The following SPTBN5 variants were observed in gnomAD, a reference collection of about 807,000 sequenced individuals.
SPTBN5 encodes spectrin beta chain, non-erythrocytic 5.
SPTBN5 carries 513 observed loss-of-function variants against 477.6 expected under a neutral mutation model. The ratio of observed to expected loss-of-function variants is 1.07; its 90% confidence interval spans 1.00 to 1.16. The LOEUF is 1.16. SPTBN5 is among the 50% of genes most tolerant of loss of function. The pLI is 0.00. For missense variants in SPTBN5, 5,062 were observed against 4,731.8 expected, an observed-to-expected ratio of 1.07 and a Z score of -2.05; for synonymous variants, 2,169 against 2,011.7, an observed-to-expected ratio of 1.08 and a Z score of -2.09.
chr15:41,873,799 C>A, intron 25 of SPTBN5, 46 bp downstream of exon 25: 1 of 1,600,590 alleles, frequency 6.2e-7, no homozygotes, highest in Non-Finnish European at 8.5e-7. Context: ...CCTCAAGGAG[C>A]CCTGACTTCT....
chr15:41,851,682 C>T, intron 63 of SPTBN5, 97 bp downstream of exon 63: 1 of 924,228 alleles, frequency 1.1e-6, no homozygotes, highest in East Asian at 2.5e-5. Context: ...TGCCCAAGTT[C>T]ACAGTGCAAG....
At position 41,878,562 on chromosome 15, in the gene SPTBN5, G is replaced by T. The variant is rs1476274178; in HGVS notation, c.3250C>A (p.Leu1084Met). ...GCCACTTGTTCCTGTACTTGCTTCA[G>T]CAGCCCCTGCAGTGTCTCCACCTGT... ...QGQVETLQGL[L>M]KQVQEQVAQR... The change falls in exon 17 of 68, where the codon CTG (leucine) becomes ATG (methionine). Residue 1084 changes from leucine (L) to methionine (M), a missense_variant. Leu to Met is a conservative substitution (Grantham distance 15, BLOSUM62 2). Transcript: ENST00000320955. 3 of 1,612,648 alleles carry T rather than the reference G, an allele frequency of 1.9e-6. No homozygotes were observed. In the South Asian group the frequency reaches 3.3e-5, roughly 18 times the overall value.
In SPTBN5 at chr15:41,852,323, GAGTGGGCAA is replaced by G. The variant is rs1362908497; in HGVS notation, c.10450-16_10450-8del. ...GCAGGAGCTCCTGTTCCATCTTGGGGAGTGGGCAAGGTGGGCAAGGTGAGCCAGGTCAGG... is the reference window on the plus strand; with the variant it reads ...GCAGGAGCTCCTGTTCCATCTTGGGGGGTGGGCAAGGTGAGCCAGGTCAGG... On this transcript the variant is annotated splice_polypyrimidine_tract_variant and splice_region_variant and intron_variant, in intron 61 of 67. Coordinates refer to ENST00000320955, the MANE Select transcript of SPTBN5 (RefSeq NM_016642.4). 20 of 1,570,730 alleles carry G rather than the reference GAGTGGGCAA, an allele frequency of 1.3e-5. No individual in the cohort carries two copies. Among genetic ancestry groups the G allele is most frequent in the Admixed American group, 1.8e-5 (1 of 54,282 alleles).
chr15:41,868,381 C>A lies in SPTBN5; in HGVS notation c.6057+17G>T, dbSNP rs750018369. The A allele has an allele frequency of 2.5e-6, 4 of 1,592,986 alleles. No homozygotes were observed. In the African/African-American group the frequency reaches 5.4e-5, roughly 21 times the overall value. Reference sequence around the variant, plus strand: ...GGTCAGCTAGGGTATGTGGGGGCACCAGGGGAGGGGGCCCACCTCCTTGGT... The same window carrying A: ...GGTCAGCTAGGGTATGTGGGGGCACAAGGGGAGGGGGCCCACCTCCTTGGT... On this transcript the variant is annotated intron_variant, in intron 33 of 67. Coordinates refer to ENST00000320955, the MANE Select transcript of SPTBN5 (RefSeq NM_016642.4).
chr15:41,873,523 G>A lies in SPTBN5; in HGVS notation c.4976C>T (p.Ala1659Val), dbSNP rs2066613169. Residue 1659 changes from alanine to valine, a missense_variant, in exon 26 of 68, where the codon GCA becomes GTA. Ala to Val is a moderately conservative substitution (Grantham distance 64, BLOSUM62 0). Transcript: ENST00000320955. Reference protein sequence around the residue: ...VSSRDYGRDEAATLRLINKHQ... With the variant: ...VSSRDYGRDEVATLRLINKHQ... ...CTTGTTAATGAGCCTGAGGGTGGCT[G>A]CCTCGTCTCTGCCATAGTCCCGACT... The A allele has an allele frequency of 1.3e-6, 2 of 1,551,786 alleles. No individual in the cohort carries two copies. Among genetic ancestry groups the A allele is most frequent in the African/African-American group, 1.4e-5 (1 of 73,140 alleles).
In SPTBN5 at chr15:41,885,706, G is replaced by A. The variant is rs1376367757; in HGVS notation, c.1520+29C>T. ...TGTGGTAGGACAGCCTCAGCCAGCT[G>A]TGGGGAGAGTTCATGTGCTGGGGCT... is the stretch of plus-strand genomic sequence containing the variant. On this transcript the variant is annotated intron_variant, in intron 7 of 67. Coordinates refer to ENST00000320955, the MANE Select transcript of SPTBN5 (RefSeq NM_016642.4). 1.9e-6 allele frequency: 3 copies of A among 1,539,960 alleles called. No homozygotes were observed. The African/African-American group carries it at 4.1e-5, about 21-fold the overall frequency.
chr15:41,854,555 C>T (rs566078930), intron 56 of SPTBN5, among the ~76,000 whole-genome samples: 37 of 152,044 alleles, frequency 2.4e-4, no homozygotes, highest in African/African-American at 5.3e-4. Flanking sequence ...GCTGGGGGAC[C>T]GGGTCAGCTC....
chr15:41,881,907 C>G, intron 12 of SPTBN5, 29 bp downstream of exon 12: 2 of 1,512,138 alleles, frequency 1.3e-6, no homozygotes, highest in Non-Finnish European at 1.8e-6. Context: ...CAAGGGAGAC[C>G]AGGCGCCCTT....
chr15:41,865,991 A>T (rs1027745083), intron 38 of SPTBN5, 47 bp downstream of exon 38: 12 of 1,546,734 alleles, frequency 7.8e-6, no homozygotes, highest in South Asian at 1.2e-5. Flanking sequence ...CTGTCAAGGG[A>T]GGGCTCCTCC....
chr15:41,866,929 G>T (rs751077115), intron 36 of SPTBN5, 30 bp downstream of exon 36: 1 of 1,541,738 alleles, frequency 6.5e-7, no homozygotes, highest in South Asian at 1.2e-5. Flanking sequence ...GGTTCCAGTG[G>T]AAGGCCCTGG....
Position 41,886,072 on chromosome 15 carries a change from C to G in SPTBN5, c.1183G>C (p.Glu395Gln), listed in dbSNP as rs1412680485. 2 of 1,598,552 alleles carry G rather than the reference C, an allele frequency of 1.3e-6. No homozygotes were observed. The highest frequency in any genetic ancestry group is 1.7e-6 in the Non-Finnish European group (2 of 1,171,908). ...FLPHEGLGLA[E>Q]LSQCWAGLEW... ...AGCCCTGCCCAGCACTGGGACAGCT[C>G]TGCAAGGCCCAGGCCCTCATGAGGC... Residue 395 changes from glutamate (E) to glutamine (Q), a missense_variant, in exon 7 of 68, where the codon GAG (glutamate) becomes CAG (glutamine). Transcript: ENST00000320955.
In SPTBN5 at chr15:41,869,908, T is replaced by A; in HGVS notation, c.5786A>T (p.Gln1929Leu). ...GGCCCTGCGCTGCTCCATGCGTCGC[T>A]GCAGCACTGCCCACGCCTGCGTCAC... is the stretch of plus-strand genomic sequence containing the variant. ...QAVTQAWAVL[Q>L]RRMEQRRAQL... The change falls in exon 32 of 68, where the codon CAG (glutamine) becomes CTG (leucine). Residue 1929 changes from glutamine to leucine, a missense_variant. Coordinates refer to ENST00000320955, the MANE Select transcript of SPTBN5 (RefSeq NM_016642.4). 6.4e-7 allele frequency: 1 copy of A among 1,552,780 alleles called. No individual in the cohort carries two copies. The highest frequency in any genetic ancestry group is 8.7e-7 in the Non-Finnish European group (1 of 1,150,802).
In SPTBN5 at chr15:41,855,415, C is replaced by T; in HGVS notation, c.9232G>A (p.Ala3078Thr). The part of the protein sequence containing the change: ...RKNPESPKVL[A>T]QLQAVREAHA... Reference sequence around the variant, plus strand: ...GCCTCCCGAACTGCCTGCAGCTGGGCTAGCACCTTGGGGCTGTGGGAAGAG... The same window carrying T: ...GCCTCCCGAACTGCCTGCAGCTGGGTTAGCACCTTGGGGCTGTGGGAAGAG... The change falls in exon 55 of 68, where the codon GCC becomes ACC. Residue 3078 changes from alanine (A) to threonine (T), a missense_variant. Physicochemically the swap from Ala to Thr is moderately conservative, Grantham distance 58. Transcript: ENST00000320955. The T allele has an allele frequency of 1.2e-6, 2 of 1,603,516 alleles. No individual in the cohort carries two copies. The highest frequency in any genetic ancestry group is 1.1e-5 in the South Asian group (1 of 90,874).
rs1243851581 is a variant in SPTBN5 at position 41,857,237 on chromosome 15, C to T, written c.8621+1G>A. ...GAAGCTGAGGGCACGGGTGGATCTA[C>T]CTCTGAAGCAGCCGCCGGGCCTGCT... is the stretch of plus-strand genomic sequence containing the variant. On this transcript the variant is annotated splice_donor_variant, in intron 51 of 67. Transcript: ENST00000320955. LOFTEE classifies it high-confidence loss of function. The T allele has an allele frequency of 2.5e-6, 4 of 1,584,872 alleles. No individual in the cohort carries two copies. Among genetic ancestry groups the T allele is most frequent in the Non-Finnish European group, 3.4e-6 (4 of 1,164,252 alleles).
In SPTBN5 at chr15:41,862,114, C is replaced by A; in HGVS notation, c.7548+16G>T. The A allele has an allele frequency of 6.5e-7, 1 of 1,543,924 alleles. No individual in the cohort carries two copies. The highest frequency in any genetic ancestry group is 8.8e-7 in the Non-Finnish European group (1 of 1,141,538). ...GCTGAGAGCCTGGGAAAGGCTTGGGCCAGCTGCCCATTCACCTTGCACTCC... is the reference window on the plus strand; with the variant it reads ...GCTGAGAGCCTGGGAAAGGCTTGGGACAGCTGCCCATTCACCTTGCACTCC... On this transcript the variant is annotated intron_variant, in intron 44 of 67. Coordinates refer to ENST00000320955, the MANE Select transcript of SPTBN5 (RefSeq NM_016642.4).
rs945958867 is a variant in SPTBN5 at position 41,874,007 on chromosome 15, C to T, written c.4728G>A (p.Val1576=). ...QVEVKAHQGQ[V]QRVLSSGRSL... ...TCCGCCCAGAACTCAGCACCCGTTG[C>T]ACCTGCCCCTGGTGAGCTTTTACCT... The change falls in exon 25 of 68, where the codon GTG becomes GTA. Residue 1576 remains valine, a synonymous_variant. Coordinates refer to ENST00000320955, the MANE Select transcript of SPTBN5 (RefSeq NM_016642.4). The T allele has an allele frequency of 1.2e-6, 2 of 1,602,272 alleles. No homozygotes were observed. Among genetic ancestry groups the T allele is most frequent in the African/African-American group, 2.7e-5 (2 of 74,930 alleles).
intron 3 of SPTBN5, among the ~76,000 whole-genome samples, chr15:41,892,576 T>C (rs2067345295): frequency 6.6e-6 from 1 of 152,182 alleles, no homozygotes; most frequent in Non-Finnish European, 1.5e-5. Flanking sequence ...ATCTGTGAAA[T>C]GAAAAGCCTA....
chr15:41,853,933 C>G (rs2065856755), intron 57 of SPTBN5, 117 bp downstream of exon 57: 3 of 1,445,238 alleles, frequency 2.1e-6, no homozygotes, highest in Non-Finnish European at 1.8e-6. Context: ...GGGGAAGGAT[C>G]TGGGTTTCTG....
intron 63 of SPTBN5, 43 bp from the exon 64 acceptor site, chr15:41,851,412 A>T: frequency 6.9e-7 from 1 of 1,439,420 alleles, no homozygotes; most frequent in Non-Finnish European, 9.5e-7. Flanking sequence ...CACACGCAGG[A>T]AGCCAGAGCT....
Sources: allele counts gnomAD v4.1 joint callset (sites outside exome capture counted in the v4.1 genomes callset), GRCh38; gene constraint gnomAD v4.1.1; transcripts MANE v1.5; gene names NCBI Gene and HGNC (gene_info 2026-07-23, HGNC 2026-07-21).